ZFR: variants seen among roughly 807,000 people sequenced by gnomAD.
ZFR encodes zinc finger RNA binding protein, also known as zinc finger RNA-binding protein.
A neutral mutation model predicts 130.7 loss-of-function variants in ZFR; 19 were observed. That is an observed-to-expected ratio of 0.15 (90% CI 0.10 to 0.21). The LOEUF (loss-of-function observed/expected upper bound fraction) is 0.21, where lower values mean the gene tolerates loss of function less well. Among genes scored for constraint, ZFR ranks in the 10% least tolerant of loss-of-function variants. The probability of loss-of-function intolerance (pLI) is 1.00; values close to 1 mark genes in which losing one functional copy is unlikely to be tolerated. For missense variants in ZFR, 872 were observed against 1,321.5 expected, an observed-to-expected ratio of 0.66 and a Z score of 5.27; for synonymous variants, 466 against 456.9, an observed-to-expected ratio of 1.02 and a Z score of -0.25.
intron 19 of ZFR, among the ~76,000 whole-genome samples, chr5:32,363,072 C>T (rs189502299): frequency 1.3e-5 from 2 of 152,286 alleles, no homozygotes; most frequent in African/African-American, 4.8e-5. Flanking sequence ...TTACTACTCT[C>T]TCTCCCCCAA....
At chr5:32,380,017 T>C in intron 16 of ZFR, 58 bp downstream of exon 16, 5 of 1,399,480 alleles carry the variant, frequency 3.6e-6, no homozygotes, top group Non-Finnish European at 5.1e-6. Context: ...TTAAACATGT[T>C]GTACTGAACT....
chr5:32,378,363 T>A (rs917918242), intron 17 of ZFR, among the ~76,000 whole-genome samples: 1 of 152,156 alleles, frequency 6.6e-6, no homozygotes, highest in African/African-American at 2.4e-5. Flanking sequence ...AAGTTTTAAA[T>A]TGTACAGTTT....
At chr5:32,439,032 A>T (rs1033890896) in intron 2 of ZFR, among the ~76,000 whole-genome samples, 5 of 152,252 alleles carry the variant, frequency 3.3e-5, no homozygotes, top group Non-Finnish European at 1.5e-5. Context: ...TTACAAAAGC[A>T]TACTCAAGCA....
chr5:32,372,822 A>G (rs10040451), intron 17 of ZFR, among the ~76,000 whole-genome samples: 142,386 of 152,012 alleles, frequency 0.94, 66,777 homozygotes, highest in African/African-American at 0.97. Context: ...GCGACACAGC[A>G]AGACTTGGTC....
chr5:32,400,268 C>T (rs758644252), intron 8 of ZFR, 65 bp from the exon 9 acceptor site: 37 of 1,205,486 alleles, frequency 3.1e-5, no homozygotes, highest in African/African-American at 4.7e-5. Flanking sequence ...CCTGATAAGA[C>T]GAAAACTTCA....
In ZFR at chr5:32,355,543, G is replaced by C; in HGVS notation, c.*217C>G. 1 of 363,230 alleles carries C rather than the reference G, an allele frequency of 2.8e-6. No individual in the cohort carries two copies. Among genetic ancestry groups the C allele is most frequent in the South Asian group, 1.0e-4 (1 of 9,542 alleles). The allele number at this position is 363,230 out of a possible 1,614,324, so 22.5% of individuals were successfully genotyped here. ...ATAATGGGAAAAAATCGGAACTACT[G>C]TTTTCCCCCTAGTCGGAGCACATTT... is the stretch of plus-strand genomic sequence containing the variant. On this transcript the variant is annotated 3_prime_UTR_variant, in exon 20 of 20. Transcript: ENST00000265069.
Position 32,441,613 on chromosome 5 carries a change from T to A in ZFR, c.137+2616A>T, listed in dbSNP as rs545787733. On this transcript the variant is annotated intron_variant, in intron 2 of 19. Coordinates refer to ENST00000265069, the MANE Select transcript of ZFR (RefSeq NM_016107.5). ...CAAATTTGAAAAAATATTAGTAAAG[T>A]AGACCTTGGTCTTCCATCTCTAAAA... Among the ~76,000 whole-genome samples, 4 of 152,294 alleles carry A rather than the reference T, an allele frequency of 2.6e-5. No individual in the cohort carries two copies. The East Asian group carries it at 7.7e-4, about 29-fold the overall frequency.
At chr5:32,371,874 A>C (rs1024080915) in intron 17 of ZFR, among the ~76,000 whole-genome samples, 1 of 152,156 alleles carries the variant, frequency 6.6e-6, no homozygotes, top group Non-Finnish European at 1.5e-5. Flanking sequence ...AAAAAAAAAA[A>C]AACTTCATAG....
chr5:32,399,766 C>A (rs1753402627), intron 9 of ZFR, among the ~76,000 whole-genome samples: 1 of 152,016 alleles, frequency 6.6e-6, no homozygotes, highest in South Asian at 2.1e-4. Flanking sequence ...TTACTTTGCA[C>A]ACCACAGTGG....
rs536432801 is a variant in ZFR, at chr5:32,412,131, C to T, written c.784+2838G>A. On this transcript the variant is annotated intron_variant, in intron 5 of 19. Transcript: ENST00000265069. ...GGTGAAAGACAGTTGAGCAACAGGC[C>T]CACAGAGTACTTGTTCATTATAAAG... Among the ~76,000 whole-genome samples the T allele has an allele frequency of 4.6e-5, 7 of 152,162 alleles. No individual in the cohort carries two copies. In the South Asian group the frequency reaches 1.5e-3, roughly 32 times the overall value.
At chr5:32,363,925 T>A (rs955081299) in intron 19 of ZFR, 23 bp downstream of exon 19, 2 of 1,603,156 alleles carry the variant, frequency 1.2e-6, no homozygotes, top group African/African-American at 2.7e-5. Flanking sequence ...CCAATAGGGC[T>A]CTGAATTTAG....
intron 10 of ZFR, among the ~76,000 whole-genome samples, chr5:32,396,978 G>A (rs1323794965): frequency 1.3e-5 from 2 of 152,144 alleles, no homozygotes; most frequent in Non-Finnish European, 2.9e-5. Flanking sequence ...TCCAGGCAAT[G>A]CTTCAGTTTT....
chr5:32,400,616 A>G (rs921220994), intron 8 of ZFR, among the ~76,000 whole-genome samples: 2 of 152,186 alleles, frequency 1.3e-5, no homozygotes, highest in Non-Finnish European at 2.9e-5. Flanking sequence ...TGGGAGGCAG[A>G]GGTGGGAGGA....
At chr5:32,428,285 A>T (rs1012939086) in intron 2 of ZFR, among the ~76,000 whole-genome samples, 2 of 152,238 alleles carry the variant, frequency 1.3e-5, no homozygotes, top group East Asian at 3.9e-4. Context: ...GTGGTGGCAC[A>T]TGCCTGTAGT....
chr5:32,390,979 TATTA>T (rs1347589474), intron 11 of ZFR, among the ~76,000 whole-genome samples: 1 of 152,234 alleles, frequency 6.6e-6, no homozygotes, highest in African/African-American at 2.4e-5. Flanking sequence ...ACTCAGCTCC[TATTA>T]ATTGTTGCCA....
At chr5:32,407,387 T>C (rs770750668) in intron 5 of ZFR, among the ~76,000 whole-genome samples, 37 of 150,536 alleles carry the variant, frequency 2.5e-4, no homozygotes, top group Non-Finnish European at 4.7e-4. Context: ...TAGGAAGTGT[T>C]GGATTTGAGG....
At position 32,444,215 on chromosome 5, in the gene ZFR, CA is replaced by C. The variant is rs1445068705; in HGVS notation, c.137+13del. 3.1e-6 allele frequency: 5 copies of C among 1,595,394 alleles called. No individual in the cohort carries two copies. Among genetic ancestry groups the C allele is most frequent in the Non-Finnish European group, 4.3e-6 (5 of 1,172,562 alleles). On this transcript the variant is annotated intron_variant, in intron 2 of 19. Coordinates refer to ENST00000265069, the MANE Select transcript of ZFR (RefSeq NM_016107.5). ...GAGCAAGGGGCGAACAGAGAGAAGGCAGGATGCCGTTACCTATATTGGGCCG... is the reference window on the plus strand; with the variant it reads ...GAGCAAGGGGCGAACAGAGAGAAGGCGGATGCCGTTACCTATATTGGGCCG...
At chr5:32,419,155 T>C (rs1265117858) in intron 3 of ZFR, among the ~76,000 whole-genome samples, 2 of 152,208 alleles carry the variant, frequency 1.3e-5, no homozygotes, top group Non-Finnish European at 2.9e-5. Flanking sequence ...AATGCTCTAG[T>C]ACAAACAAGG....
intron 17 of ZFR, among the ~76,000 whole-genome samples, chr5:32,373,541 A>C (rs554183095): frequency 6.6e-6 from 1 of 152,332 alleles, no homozygotes; most frequent in Non-Finnish European, 1.5e-5. Context: ...CTACAGAATA[A>C]ATCAATGAAT....
Sources: allele counts gnomAD v4.1 joint callset (sites outside exome capture counted in the v4.1 genomes callset), GRCh38; gene constraint gnomAD v4.1.1; transcripts MANE v1.5; gene names NCBI Gene and HGNC (gene_info 2026-07-23, HGNC 2026-07-21).